ANKRD11: variants seen among roughly 807,000 people sequenced by gnomAD.
ANKRD11 encodes ankyrin repeat domain-containing protein 11.
ANKRD11 carries 17 observed loss-of-function variants against 195.7 expected under a neutral mutation model. The observed-to-expected ratio is 0.09, with a 90% CI of 0.06 to 0.13. ANKRD11 has a LOEUF of 0.13. Among genes scored for constraint, ANKRD11 ranks in the 10% least tolerant of loss-of-function variants. ANKRD11 has a pLI of 1.00. For synonymous variants in ANKRD11, 1,953 were observed against 1,528.1 expected, an observed-to-expected ratio of 1.28 and a Z score of -6.49; for missense variants, 3,735 against 3,566.1, an observed-to-expected ratio of 1.05 and a Z score of -1.21.
intron 1 of ANKRD11, among the ~76,000 whole-genome samples, chr16:89,473,088 C>G (rs189024076): frequency 8.6e-5 from 13 of 151,900 alleles, no homozygotes; most frequent in African/African-American, 3.1e-4. Context: ...CTACCCAGGA[C>G]AGCTTGGCTT....
chr16:89,470,521 G>A (rs957416594), intron 1 of ANKRD11, among the ~76,000 whole-genome samples: 2 of 110,080 alleles, frequency 1.8e-5, no homozygotes, highest in East Asian at 3.4e-4. Flanking sequence ...GAGAAAGGAG[G>A]GTAAATACTA....
chr16:89,308,851 G>T (rs769789089), intron 3 of ANKRD11, among the ~76,000 whole-genome samples: 1 of 152,156 alleles, frequency 6.6e-6, no homozygotes, highest in Admixed American at 6.5e-5. Flanking sequence ...TCAACACTGA[G>T]GGTGAGCGCC....
intron 1 of ANKRD11, among the ~76,000 whole-genome samples, chr16:89,425,103 AAAAG>A (rs752291250): frequency 1.3e-5 from 2 of 152,162 alleles, no homozygotes; most frequent in Non-Finnish European, 2.9e-5. Flanking sequence ...AAAAGTCCAA[AAAAG>A]AAAGAGTCCA....
At chr16:89,404,757 G>A (rs1055356562) in intron 2 of ANKRD11, among the ~76,000 whole-genome samples, 1 of 152,264 alleles carries the variant, frequency 6.6e-6, no homozygotes, top group African/African-American at 2.4e-5. Flanking sequence ...AGCTGGCCAT[G>A]TGCTCAGCCA....
intron 1 of ANKRD11, among the ~76,000 whole-genome samples, chr16:89,464,657 A>G (rs1329011615): frequency 1.3e-5 from 2 of 152,066 alleles, no homozygotes; most frequent in Non-Finnish European, 2.9e-5. Context: ...AGAAAAGAAT[A>G]AATCTGTAAC....
At chr16:89,326,384 C>G (rs1345036074) in intron 2 of ANKRD11, among the ~76,000 whole-genome samples, 1 of 151,966 alleles carries the variant, frequency 6.6e-6, no homozygotes, top group Non-Finnish European at 1.5e-5. Context: ...CACCGCCCCC[C>G]CCACCCCGCT....
intron 3 of ANKRD11, among the ~76,000 whole-genome samples, chr16:89,310,240 C>T (rs1034366238): frequency 3.9e-5 from 6 of 152,114 alleles, no homozygotes; most frequent in Admixed American, 6.5e-5. Flanking sequence ...GTGCGGGGTC[C>T]GCCTGTATGT....
intron 4 of ANKRD11, among the ~76,000 whole-genome samples, chr16:89,301,795 C>A (rs1167367639): frequency 6.6e-6 from 1 of 152,228 alleles, no homozygotes; most frequent in Non-Finnish European, 1.5e-5. Context: ...AGGCGGCCCC[C>A]AGCCCTGACT....
intron 3 of ANKRD11, among the ~76,000 whole-genome samples, chr16:89,313,101 G>A (rs2036704359): frequency 6.6e-6 from 1 of 152,218 alleles, no homozygotes; most frequent in African/African-American, 2.4e-5. Context: ...GTGGGGCTGT[G>A]AATGTGGGTT....
At chr16:89,383,342 C>CA (rs1261529782) in intron 2 of ANKRD11, among the ~76,000 whole-genome samples, 1 of 152,244 alleles carries the variant, frequency 6.6e-6, no homozygotes, top group East Asian at 1.9e-4. Flanking sequence ...GGAGGGGCAG[C>CA]AGCAGCCCCA....
chr16:89,409,551 C>A lies in ANKRD11; in HGVS notation c.-60+8733G>T, dbSNP rs532601310. Among the ~76,000 whole-genome samples, 10 of 152,294 alleles carry A rather than the reference C, an allele frequency of 6.6e-5. No homozygotes were observed. In the East Asian group the frequency reaches 1.9e-3, roughly 29 times the overall value. ...AGGAAAGGCTGGGTGCTGCGACTCA[C>A]GCCTGTAATCACACAGCGTTGGGAG... On this transcript the variant is annotated intron_variant, in intron 2 of 12. Transcript: ENST00000301030.
At chr16:89,371,311 T>C (rs1235758519) in intron 2 of ANKRD11, among the ~76,000 whole-genome samples, 1 of 151,950 alleles carries the variant, frequency 6.6e-6, no homozygotes, top group African/African-American at 2.4e-5. Context: ...CAGAAACAAA[T>C]AAAGAATAAG....
chr16:89,435,507 CCTG>C (rs1272657700), intron 1 of ANKRD11, among the ~76,000 whole-genome samples: 1 of 152,162 alleles, frequency 6.6e-6, no homozygotes, highest in African/African-American at 2.4e-5. Context: ...CAGCTTCACT[CCTG>C]AAGTCAGCGA....
At chr16:89,290,167 C>T (rs947422094) in intron 6 of ANKRD11, among the ~76,000 whole-genome samples, 1 of 152,250 alleles carries the variant, frequency 6.6e-6, no homozygotes, top group East Asian at 1.9e-4. Flanking sequence ...GCAGAGCAGA[C>T]GCGCACCCCA....
chr16:89,313,978 G>A (rs1322216677), intron 3 of ANKRD11, among the ~76,000 whole-genome samples: 3 of 152,210 alleles, frequency 2.0e-5, no homozygotes, highest in Admixed American at 6.5e-5. Context: ...GGTAGTTCAC[G>A]CCTGTGATGC....
At chr16:89,276,717 ATC>A (rs1195220947) in intron 9 of ANKRD11, among the ~76,000 whole-genome samples, 4 of 152,152 alleles carry the variant, frequency 2.6e-5, no homozygotes, top group Non-Finnish European at 4.4e-5. Flanking sequence ...GCATAAACCT[ATC>A]TCTGCTGTTT....
At chr16:89,422,057 TGG>T (rs1285941479) in intron 1 of ANKRD11, 3 of 152,202 alleles carry the variant, frequency 2.0e-5, no homozygotes, top group African/African-American at 7.2e-5. Flanking sequence ...CTTACCACTC[TGG>T]ACTCCTTACT....
intron 3 of ANKRD11, among the ~76,000 whole-genome samples, chr16:89,310,157 C>T (rs2036530860): frequency 6.6e-6 from 1 of 152,234 alleles, no homozygotes; most frequent in Non-Finnish European, 1.5e-5. Flanking sequence ...CCATCCGGTC[C>T]TTCCAGTTCC....
intron 3 of ANKRD11, among the ~76,000 whole-genome samples, chr16:89,312,317 G>A (rs2036650688): frequency 6.6e-6 from 1 of 152,210 alleles, no homozygotes; most frequent in Non-Finnish European, 1.5e-5. Context: ...ATGCAAATTC[G>A]CTGCTTCAGA....
Sources: gnomAD v4.1 joint callset for allele counts (sites outside exome capture counted in the v4.1 genomes callset) on GRCh38, gnomAD v4.1.1 for gene constraint, MANE v1.5 for transcripts, NCBI Gene and HGNC (gene_info 2026-07-23, HGNC 2026-07-21) for gene names.